Variants in SCN3B observed in about 807,000 individuals in gnomAD.
The protein encoded by SCN3B is sodium voltage-gated channel beta subunit 3.
A neutral mutation model predicts 25.4 loss-of-function variants in SCN3B; 11 were observed. That is an observed-to-expected ratio of 0.43 (90% CI 0.27 to 0.72). The LOEUF (loss-of-function observed/expected upper bound fraction) is 0.72. Ranked by LOEUF, SCN3B falls within the 30% of genes least tolerant of loss-of-function variation. SCN3B has a pLI of 0.18. For synonymous variants in SCN3B, 109 were observed against 110.7 expected, an observed-to-expected ratio of 0.99 and a Z score of 0.09; for missense variants, 218 against 278.3, an observed-to-expected ratio of 0.78 and a Z score of 1.54.
intron 2 of SCN3B, among the ~76,000 whole-genome samples, chr11:123,646,070 C>T (rs1012451100): frequency 6.6e-6 from 1 of 152,142 alleles, no homozygotes; most frequent in Admixed American, 6.5e-5. Flanking sequence ...AAATGGGAGA[C>T]AGGGCATCTA....
At chr11:123,649,355 GCA>G (rs1955892716) in intron 2 of SCN3B, among the ~76,000 whole-genome samples, 1 of 152,072 alleles carries the variant, frequency 6.6e-6, no homozygotes, top group Non-Finnish European at 1.5e-5. Flanking sequence ...TGCCCCTAAG[GCA>G]ACAATAATCC....
Position 123,648,102 on chromosome 11 carries a change from A to G in SCN3B, c.56-2352T>C, listed in dbSNP as rs79887798. 2.3e-3 allele frequency among the ~76,000 whole-genome samples: 350 copies of G among 152,356 alleles called. 4 individuals carry two copies. The highest frequency in any genetic ancestry group is 0.016 in the South Asian group (78 of 4,830). Reference sequence around the variant, plus strand: ...GCAGAGGGGTAGAGCGTATGCAGCAAGAACTCCGTGTAGTATGGAACCTCA... The same window carrying G: ...GCAGAGGGGTAGAGCGTATGCAGCAGGAACTCCGTGTAGTATGGAACCTCA... On this transcript the variant is annotated intron_variant, in intron 2 of 6. Coordinates refer to ENST00000299333, the MANE Select transcript of SCN3B (RefSeq NM_001040151.2).
rs1294467349 is a variant in SCN3B at position 123,629,432 on chromosome 11, G to A, written c.*4367C>T. ...AGGGAGGAAGCACAGAGCATTGCTG[G>A]CTCTGAGGGTCAGCTGGCCTGGGAT... On this transcript the variant is annotated 3_prime_UTR_variant, in exon 7 of 7. Coordinates refer to ENST00000299333, the MANE Select transcript of SCN3B (RefSeq NM_001040151.2). 1 of 152,218 alleles carries A rather than the reference G, an allele frequency of 6.6e-6. No individual in the cohort carries two copies. The highest frequency in any genetic ancestry group is 1.5e-5 in the Non-Finnish European group (1 of 68,058). The allele number at this position is 152,218 out of a possible 1,614,324, so 9.4% of individuals were successfully genotyped here.
At position 123,642,158 on chromosome 11, in the gene SCN3B, G is replaced by A. The variant is rs987635710; in HGVS notation, c.445+288C>T. Among the ~76,000 whole-genome samples, 3 of 152,160 alleles carry A rather than the reference G, an allele frequency of 2.0e-5. No individual in the cohort carries two copies. The highest frequency in any genetic ancestry group is 4.4e-5 in the Non-Finnish European group (3 of 68,026). On this transcript the variant is annotated intron_variant, in intron 4 of 6. Transcript: ENST00000299333. This position sits in a 1 kb window ranked among gnomAD's most constrained non-coding sequence, Gnocchi z 4.3. ...GGCCTAGCTGAATCAGTAGCTTTAG[G>A]CCTCATGGAGGCTAGCCTCTTTCTC...
chr11:123,637,091 A>G lies in SCN3B; in HGVS notation c.584+1095T>C, dbSNP rs116656838. On this transcript the variant is annotated intron_variant, in intron 5 of 6. Transcript: ENST00000299333. ...TGCTAGAAATCTGTGGGTTTTTTCT[A>G]TCTTTCCTTTCCCCAGACAACCAGC... Among the ~76,000 whole-genome samples the G allele has an allele frequency of 1.5e-3, 235 of 152,160 alleles. 1 individual carries two copies. Among genetic ancestry groups the G allele is most frequent in the African/African-American group, 5.4e-3 (225 of 41,526 alleles).
At chr11:123,644,416 T>A (rs1371311503) in intron 3 of SCN3B, among the ~76,000 whole-genome samples, 1 of 152,090 alleles carries the variant, frequency 6.6e-6, no homozygotes, top group Non-Finnish European at 1.5e-5. Flanking sequence ...CAAACCCAGG[T>A]GGCCTGGCTC....
intron 2 of SCN3B, among the ~76,000 whole-genome samples, chr11:123,650,981 G>A (rs921548058): frequency 2.0e-5 from 3 of 152,084 alleles, no homozygotes; most frequent in African/African-American, 4.8e-5. Context: ...CTAGCATTAT[G>A]GGAGGCTGAA....
chr11:123,639,792 A>G (rs1490777954), intron 4 of SCN3B: 1 of 152,228 alleles, frequency 6.6e-6, no homozygotes, highest in Non-Finnish European at 1.5e-5. Context: ...TGCCTGCTGT[A>G]TAAATCTTAG....
At chr11:123,638,490 T>C in intron 4 of SCN3B, 166 bp from the exon 5 acceptor site, 2 of 910,198 alleles carry the variant, frequency 2.2e-6, no homozygotes, top group Non-Finnish European at 3.4e-6. Context: ...GCTTTCTCAC[T>C]GACTGTCATC....
At chr11:123,646,387 G>A (rs1220351973) in intron 2 of SCN3B, among the ~76,000 whole-genome samples, 1 of 152,220 alleles carries the variant, frequency 6.6e-6, no homozygotes, top group African/African-American at 2.4e-5. Flanking sequence ...GGCCCATGCT[G>A]TGAAGACCTC....
intron 3 of SCN3B, among the ~76,000 whole-genome samples, chr11:123,644,766 T>TGAGAGAGAGAGAGAGAGA (rs371690210): frequency 1.9e-4 from 18 of 94,688 alleles, no homozygotes; most frequent in African/African-American, 6.3e-4. Flanking sequence ...GAGACCCCGT[T>TGAGAGAGAGAGAGAGAGA]GAGAGAGAGA....
chr11:123,644,800 A>AGAATATAT (rs1272015067), intron 3 of SCN3B, among the ~76,000 whole-genome samples: 67 of 45,548 alleles, frequency 1.5e-3, no homozygotes, highest in Admixed American at 4.0e-3. Context: ...AGAGAGAGAG[A>AGAATATAT]ATATATATAT....
intron 4 of SCN3B, chr11:123,639,920 T>C (rs1955768419): frequency 6.6e-6 from 1 of 152,366 alleles, no homozygotes; most frequent in African/African-American, 2.4e-5. Flanking sequence ...TATCCTGATA[T>C]ATCTACTCCT....
At chr11:123,645,257 C>G (rs543586432) in intron 3 of SCN3B, among the ~76,000 whole-genome samples, 1 of 152,068 alleles carries the variant, frequency 6.6e-6, no homozygotes, top group East Asian at 1.9e-4. Context: ...GAATTTAATG[C>G]ATATAATAGG....
In SCN3B at chr11:123,630,753, C is replaced by G. The variant is rs1390024556; in HGVS notation, c.*3046G>C. On this transcript the variant is annotated 3_prime_UTR_variant, in exon 7 of 7. Coordinates refer to ENST00000299333, the MANE Select transcript of SCN3B (RefSeq NM_001040151.2). ...GACTCTCAAAGCACATTGCTAGCAT[C>G]CACCAAAAAGCAAAGTGGTAGAGAA... is the stretch of plus-strand genomic sequence containing the variant. The G allele has an allele frequency of 6.6e-6, 1 of 152,178 alleles. No homozygotes were observed. The highest frequency in any genetic ancestry group is 6.5e-5 in the Admixed American group (1 of 15,280). 9.4% of individuals were successfully genotyped at this position (152,178 alleles called of 1,614,324 possible).
intron 3 of SCN3B, among the ~76,000 whole-genome samples, chr11:123,645,036 T>G (rs1955839091): frequency 6.6e-6 from 1 of 151,806 alleles, no homozygotes; most frequent in South Asian, 2.1e-4. Context: ...TTCAGCCACT[T>G]AGGAGACTCG....
rs1422689845 is a variant in SCN3B at position 123,633,165 on chromosome 11, A to C, written c.*634T>G. The C allele has an allele frequency of 2.0e-5, 3 of 152,130 alleles. No homozygotes were observed. Among genetic ancestry groups the C allele is most frequent in the African/African-American group, 7.2e-5 (3 of 41,422 alleles). The allele number at this position is 152,130 out of a possible 1,614,324, so 9.4% of individuals were successfully genotyped here. A position where few individuals can be genotyped will look rare whatever the true frequency, so the allele number is the denominator to read the frequency against. ...TGTCTTCTTGGAGGGAACCTTAGAG[A>C]CCCATCAGGATCTAGCTCTGGAGTA... On this transcript the variant is annotated 3_prime_UTR_variant, in exon 7 of 7. Transcript: ENST00000299333.
In SCN3B at chr11:123,643,971, G is replaced by A. The variant is rs80344752; in HGVS notation, c.220-1300C>T. ...CACATAGAAGCTAGAGTTAGAAATG[G>A]GTTCGGCTTTAGGATAGTGAGAAAG... On this transcript the variant is annotated intron_variant, in intron 3 of 6. Coordinates refer to ENST00000299333, the MANE Select transcript of SCN3B (RefSeq NM_001040151.2). Among the ~76,000 whole-genome samples, 229 of 152,322 alleles carry A rather than the reference G, an allele frequency of 1.5e-3. No homozygotes were observed. In the East Asian group the frequency reaches 0.016, roughly 10 times the overall value.
At chr11:123,650,801 T>C (rs961600292) in intron 2 of SCN3B, among the ~76,000 whole-genome samples, 2 of 152,154 alleles carry the variant, frequency 1.3e-5, no homozygotes, top group Non-Finnish European at 2.9e-5. Context: ...TTTTCTCATC[T>C]CTAAACTGGA....
Sources: allele counts gnomAD v4.1 joint callset (sites outside exome capture counted in the v4.1 genomes callset), GRCh38; gene constraint gnomAD v4.1.1; non-coding constraint Gnocchi (gnomAD v3.1); transcripts MANE v1.5; gene names NCBI Gene and HGNC (gene_info 2026-07-23, HGNC 2026-07-21).